Variants in PTPRN2 observed in about 807,000 individuals in gnomAD.
PTPRN2 encodes the protein protein tyrosine phosphatase receptor type N2.
In PTPRN2, 74 loss-of-function variants were observed where a neutral mutation model predicts 118.8. The ratio of observed to expected loss-of-function variants is 0.62; its 90% CI spans 0.52 to 0.76. The LOEUF is 0.76. Ranked by LOEUF, PTPRN2 falls within the 30% of genes least tolerant of loss-of-function variation. The pLI is 0.00. For synonymous variants in PTPRN2, 641 were observed against 608.0 expected (o/e 1.05, Z -0.80); for missense variants, 1,481 against 1,394.4 (o/e 1.06, Z -0.99).
At chr7:158,100,078 A>T (rs1005284480) in intron 10 of PTPRN2, among the ~76,000 whole-genome samples, 1 of 151,732 alleles carries the variant, frequency 6.6e-6, no homozygotes, top group Non-Finnish European at 1.5e-5. Context: ...GTCATTCTTA[A>T]GCCTTCACAT....
At chr7:158,027,906 T>C (rs1807396937) in intron 11 of PTPRN2, 1 of 152,324 alleles carries the variant, frequency 6.6e-6, no homozygotes, top group East Asian at 1.9e-4. Context: ...AGGTCAGGCC[T>C]GGGTTCCCCC....
intron 3 of PTPRN2, among the ~76,000 whole-genome samples, chr7:158,292,462 A>G (rs1050433919): frequency 5.9e-5 from 9 of 152,364 alleles, no homozygotes; most frequent in Admixed American, 5.9e-4. Flanking sequence ...GCAAGCTTTT[A>G]AAGCATTCAC....
chr7:158,541,108 T>C (rs555004056), intron 1 of PTPRN2, among the ~76,000 whole-genome samples: 1 of 152,344 alleles, frequency 6.6e-6, no homozygotes, highest in Admixed American at 6.5e-5. Context: ...GCCTATGGCC[T>C]TTCTATTTGC....
chr7:158,283,185 T>C (rs1436231932), intron 3 of PTPRN2, among the ~76,000 whole-genome samples: 2 of 152,342 alleles, frequency 1.3e-5, no homozygotes, highest in East Asian at 3.9e-4. Flanking sequence ...CATGCCATGC[T>C]TTTGTATTCG....
At chr7:158,499,632 A>C (rs973104237) in intron 1 of PTPRN2, among the ~76,000 whole-genome samples, 1 of 152,112 alleles carries the variant, frequency 6.6e-6, no homozygotes, top group African/African-American at 2.4e-5. Flanking sequence ...TTAGCTGGGC[A>C]TGGTGGTGCA....
intron 11 of PTPRN2, among the ~76,000 whole-genome samples, chr7:157,925,100 A>G (rs6960746): frequency 0.13 from 6,675 of 51,388 alleles, 1,960 homozygotes; most frequent in East Asian, 0.4. Flanking sequence ...TAGCACGTCA[A>G]GCAAATGCAG....
chr7:158,505,598 T>C (rs1822684312), intron 1 of PTPRN2, among the ~76,000 whole-genome samples: 1 of 152,134 alleles, frequency 6.6e-6, no homozygotes, highest in Admixed American at 6.5e-5. Flanking sequence ...TTTGAAAGCA[T>C]GTATTTCTGC....
chr7:158,361,697 C>A (rs945810589), intron 2 of PTPRN2, among the ~76,000 whole-genome samples: 25 of 152,150 alleles, frequency 1.6e-4, no homozygotes, highest in African/African-American at 6.0e-4. Context: ...CCGGACCCTC[C>A]TGGGGGATCC....
chr7:157,778,542 C>T (rs930769269), intron 12 of PTPRN2, among the ~76,000 whole-genome samples: 2 of 151,710 alleles, frequency 1.3e-5, no homozygotes, highest in African/African-American at 4.8e-5. Context: ...CATGTGAATA[C>T]AGGTGTTGGA....
At chr7:157,605,059 G>A (rs764486449) in intron 15 of PTPRN2, among the ~76,000 whole-genome samples, 1 of 152,238 alleles carries the variant, frequency 6.6e-6, no homozygotes. Flanking sequence ...CTCTGTGGCC[G>A]GTGGCGCCTT....
At chr7:157,647,353 CT>C (rs1234518759) in intron 14 of PTPRN2, among the ~76,000 whole-genome samples, 1 of 20,560 alleles carries the variant, frequency 4.9e-5, no homozygotes. Context: ...GACCCATTCG[CT>C]GTGCACTGAA....
At chr7:157,700,470 G>C (rs1241920824) in intron 12 of PTPRN2, among the ~76,000 whole-genome samples, 1 of 152,126 alleles carries the variant, frequency 6.6e-6, no homozygotes, top group Non-Finnish European at 1.5e-5. Context: ...TTTGGGGTGA[G>C]GCTTGAGGCT....
chr7:158,346,807 TATG>T lies in PTPRN2; in HGVS notation c.164-29878_164-29876del, dbSNP rs562754409. 2.1e-3 allele frequency among the ~76,000 whole-genome samples: 313 copies of T among 152,372 alleles called. 1 individual carries two copies. The highest frequency in any genetic ancestry group is 4.1e-3 in the Admixed American group (62 of 15,306). On this transcript the variant is annotated intron_variant, in intron 2 of 22. Transcript: ENST00000389418. ...ATAATAGCCATTCTAACAGGTGTGA[TATG>T]ATATCCCATTGTGGTTTTGATTTGC...
At chr7:158,085,566 C>T (rs1213381096) in intron 10 of PTPRN2, among the ~76,000 whole-genome samples, 6 of 132,626 alleles carry the variant, frequency 4.5e-5, no homozygotes, top group African/African-American at 1.8e-4. Context: ...CCACCACGCC[C>T]ATCCACACCC....
chr7:158,150,806 TC>T, intron 6 of PTPRN2, among the ~76,000 whole-genome samples: 3 of 152,012 alleles, frequency 2.0e-5, no homozygotes, highest in Admixed American at 2.0e-4. Context: ...TCCCTCCGTG[TC>T]CTGTGAACTC....
intron 13 of PTPRN2, among the ~76,000 whole-genome samples, chr7:157,664,928 G>A (rs1198636323): frequency 6.6e-6 from 1 of 152,206 alleles, no homozygotes; most frequent in Non-Finnish European, 1.5e-5. Context: ...AAACACAAAG[G>A]GTGCATCCTC....
chr7:157,966,297 C>T (rs1427739145), intron 11 of PTPRN2, among the ~76,000 whole-genome samples: 1 of 152,108 alleles, frequency 6.6e-6, no homozygotes, highest in South Asian at 2.1e-4. Context: ...CATGTCATCA[C>T]CATCACCACC....
At chr7:158,146,231 T>A (rs1182429314) in intron 6 of PTPRN2, among the ~76,000 whole-genome samples, 1 of 152,106 alleles carries the variant, frequency 6.6e-6, no homozygotes, top group Non-Finnish European at 1.5e-5. Context: ...AAGATCTAAT[T>A]CAAGATTATG....
At chr7:158,577,377 C>G (rs1221525339) in intron 1 of PTPRN2, among the ~76,000 whole-genome samples, 1 of 143,330 alleles carries the variant, frequency 7.0e-6, no homozygotes, top group Non-Finnish European at 1.5e-5. Flanking sequence ...GGGGCCTGCA[C>G]AACACTGAGG....
Sources: allele counts gnomAD v4.1 joint callset (sites outside exome capture counted in the v4.1 genomes callset), GRCh38; gene constraint gnomAD v4.1.1; transcripts MANE v1.5; gene names NCBI Gene and HGNC (gene_info 2026-07-23, HGNC 2026-07-21).